NBPF8: variants seen among roughly 807,000 people sequenced by gnomAD.
The protein encoded by NBPF8 is NBPF family member NBPF8.
chr1:120,449,834 T>A (rs1457428048), intron 11 of NBPF8, among the ~76,000 whole-genome samples: 2 of 152,218 alleles, frequency 1.3e-5, no homozygotes, highest in African/African-American at 4.8e-5. Flanking sequence ...CTAGTGACTC[T>A]GAGGGAAACT....
At chr1:120,460,753 T>C (rs1661561343) in intron 18 of NBPF8, 129 bp downstream of exon 16, 1 of 966,696 alleles carries the variant, frequency 1.0e-6, no homozygotes. Flanking sequence ...GCCTACTACA[T>C]TGCTTTTTGG....
At chr1:120,449,802 G>A (rs1570937180) in intron 11 of NBPF8, among the ~76,000 whole-genome samples, 2 of 152,156 alleles carry the variant, frequency 1.3e-5, no homozygotes, top group African/African-American at 2.4e-5. Context: ...TTCTGTTGAG[G>A]CCCAACAGAC....
At chr1:120,418,569 G>C (rs1553245615), upstream of NBPF8, among the ~76,000 whole-genome samples, 11 of 147,110 alleles carry the variant, frequency 7.5e-5, no homozygotes, top group African/African-American at 2.8e-4. Flanking sequence ...TTTTTTTCTT[G>C]AGACAGTGTC....
chr1:120,449,986 T>C (rs1661216410), intron 11 of NBPF8, among the ~76,000 whole-genome samples: 2 of 152,052 alleles, frequency 1.3e-5, no homozygotes, highest in South Asian at 4.2e-4. Flanking sequence ...CCCAGCACTT[T>C]GGGAGGCTGA....
chr1:120,454,629 A>G lies in NBPF8; in HGVS notation n.2568+515A>G, dbSNP rs1448208855. Among the ~76,000 whole-genome samples the G allele has an allele frequency of 9.4e-3, 1,398 of 149,458 alleles. 13 individuals are homozygous for G. The highest frequency in any genetic ancestry group is 0.03 in the African/African-American group (1,215 of 40,342). On this transcript the variant is annotated intron_variant and non_coding_transcript_variant, in intron 15 of 24. Coordinates refer to ENST00000583271, the Ensembl canonical transcript of NBPF8. ...CTTTACTTTGCTGATATATTTCCAT[A>G]AAGCAAGGCTGGACCCTGGTTCTCC...
At chr1:120,460,143 A>G (rs1188124266) in intron 17 of NBPF8, among the ~76,000 whole-genome samples, 3 of 152,180 alleles carry the variant, frequency 2.0e-5, no homozygotes, top group Non-Finnish European at 4.4e-5. Context: ...ACCAAGTTTC[A>G]TTTTGACTCA....
chr1:120,460,661 T>C, intron 18 of NBPF8, 37 bp downstream of exon 16: 1 of 938,408 alleles, frequency 1.1e-6, no homozygotes, highest in East Asian at 2.4e-5. Flanking sequence ...AATTTGATGT[T>C]GACACCTGGA....
At chr1:120,460,647 A>C (rs1308515203) in intron 18 of NBPF8, 23 bp downstream of exon 16, 1 of 1,099,130 alleles carries the variant, frequency 9.1e-7, no homozygotes, top group East Asian at 2.4e-5. Flanking sequence ...AATTGTGGAC[A>C]GTTAATTTGA....
chr1:120,467,773 G>A (rs1425080605), downstream of NBPF8: 6 of 152,244 alleles, frequency 3.9e-5, no homozygotes, highest in African/African-American at 1.4e-4. Flanking sequence ...CACATTCAGT[G>A]TTATAATATT....
upstream of NBPF8, among the ~76,000 whole-genome samples, chr1:120,417,766 A>T (rs1448189503): frequency 7.1e-5 from 10 of 140,150 alleles, no homozygotes; most frequent in African/African-American, 2.8e-4. Context: ...TGCCTGGCTT[A>T]ATTTTCATAT....
At chr1:120,448,925 G>A (rs587637630) in intron 10 of NBPF8, among the ~76,000 whole-genome samples, 1 of 21,132 alleles carries the variant, frequency 4.7e-5, no homozygotes, top group Non-Finnish European at 9.4e-5. Flanking sequence ...CACTCATGGG[G>A]TAAAAATCTC....
intron 21 of NBPF8, among the ~76,000 whole-genome samples, chr1:120,463,407 G>A (rs2101699284): frequency 1.1e-5 from 1 of 89,152 alleles, no homozygotes; most frequent in South Asian, 3.3e-4. Context: ...TGAACTGATG[G>A]GAACAATAAG....
At chr1:120,431,381 T>C (rs1553247027), upstream of NBPF8, among the ~76,000 whole-genome samples, 17 of 70,684 alleles carry the variant, frequency 2.4e-4, no homozygotes, top group Non-Finnish European at 9.5e-5. Context: ...TATATATATA[T>C]ATATATATAT....
chr1:120,435,676 A>G (rs1661051147), upstream of NBPF8, among the ~76,000 whole-genome samples: 1 of 151,320 alleles, frequency 6.6e-6, no homozygotes, highest in African/African-American at 2.4e-5. Flanking sequence ...CCCCGTCTCT[A>G]CTAAAAATAC....
At position 120,455,402 on chromosome 1, in the gene NBPF8, T is replaced by C. The variant is rs1440462240; in HGVS notation, n.2569-7T>C. Reference sequence around the variant, plus strand: ...AATGTGACCTGCTTCTCTGAATTTATTTACAGAAAATGAAAGTGATGATGA... The same window carrying C: ...AATGTGACCTGCTTCTCTGAATTTACTTACAGAAAATGAAAGTGATGATGA... On this transcript the variant is annotated splice_region_variant and splice_polypyrimidine_tract_variant and intron_variant and non_coding_transcript_variant, in intron 15 of 24. Transcript: ENST00000583271. 1 of 657,038 alleles carries C rather than the reference T, an allele frequency of 1.5e-6. No individual in the cohort carries two copies. Among genetic ancestry groups the C allele is most frequent in the Non-Finnish European group, 2.7e-6 (1 of 371,242 alleles). The allele number at this position is 657,038 out of a possible 1,614,324, so 40.7% of individuals were successfully genotyped here. A position where few individuals can be genotyped will look rare whatever the true frequency, so the allele number is the denominator to read the frequency against.
At chr1:120,461,593 C>T (rs1322396713) in intron 19 of NBPF8, among the ~76,000 whole-genome samples, 167 bp downstream of exon 17, 2 of 110,102 alleles carry the variant, frequency 1.8e-5, no homozygotes, top group African/African-American at 8.4e-5. Flanking sequence ...GAAGCCCAGA[C>T]AAGGGATGGG....
intron 19 of NBPF8, among the ~76,000 whole-genome samples, chr1:120,461,914 T>G (rs1661601856): frequency 9.5e-6 from 1 of 105,236 alleles, no homozygotes; most frequent in Non-Finnish European, 1.9e-5. Context: ...TTGGGACAAA[T>G]GATATTGGGA....
upstream of NBPF8, among the ~76,000 whole-genome samples, chr1:120,417,671 G>A (rs1413651821): frequency 2.4e-5 from 2 of 81,764 alleles, no homozygotes; most frequent in Non-Finnish European, 4.8e-5. Flanking sequence ...CAGGATCTCA[G>A]CTCACTGCAA....
chr1:120,425,378 G>T (rs1297716483), intron 1 of NBPF8, among the ~76,000 whole-genome samples: 2 of 151,950 alleles, frequency 1.3e-5, no homozygotes, highest in African/African-American at 2.4e-5. Flanking sequence ...GCTCTTTAAG[G>T]CATTGAGATG....
Sources: gnomAD v4.1 joint callset for allele counts (sites outside exome capture counted in the v4.1 genomes callset) on GRCh38, gnomAD v4.1.1 for gene constraint, MANE v1.5 for transcripts, NCBI Gene and HGNC (gene_info 2026-07-23, HGNC 2026-07-21) for gene names.